The following CDK14 variants were observed in gnomAD, a reference collection of about 807,000 sequenced individuals.
The protein encoded by CDK14 is cyclin dependent kinase 14.
In CDK14, 34 loss-of-function variants were observed where a neutral mutation model predicts 60.7. That is an observed-to-expected ratio of 0.56 (90% CI 0.43 to 0.75). The LOEUF is 0.75. Among genes scored for constraint, CDK14 ranks in the 30% least tolerant of loss-of-function variants. CDK14 has a pLI of 0.00. For missense variants in CDK14, 482 were observed against 564.1 expected, an observed-to-expected ratio of 0.85 and a Z score of 1.47; for synonymous variants, 197 against 203.7, an observed-to-expected ratio of 0.97 and a Z score of 0.28.
At chr7:90,982,466 C>T (rs956797697) in intron 9 of CDK14, among the ~76,000 whole-genome samples, 2 of 152,100 alleles carry the variant, frequency 1.3e-5, no homozygotes, top group African/African-American at 4.8e-5. Flanking sequence ...GGGCTCCAAC[C>T]TAGATAAAAT....
chr7:90,991,015 G>A (rs1003175950), intron 10 of CDK14, among the ~76,000 whole-genome samples: 2 of 152,162 alleles, frequency 1.3e-5, no homozygotes, highest in African/African-American at 4.8e-5. Context: ...AGGAAACCAG[G>A]TCAGAAAGAT....
chr7:91,099,044 T>C (rs943679187), intron 12 of CDK14, among the ~76,000 whole-genome samples: 4 of 152,190 alleles, frequency 2.6e-5, no homozygotes, highest in African/African-American at 9.6e-5. Flanking sequence ...TACAAAATTA[T>C]GCCTTTCAAG....
intron 2 of CDK14, among the ~76,000 whole-genome samples, chr7:90,606,063 G>A (rs1799412316): frequency 6.6e-6 from 1 of 152,100 alleles, no homozygotes; most frequent in African/African-American, 2.4e-5. Flanking sequence ...TCCTTCCTCT[G>A]CCACAAGAGA....
At chr7:90,732,301 C>CT (rs1563061275) in intron 3 of CDK14, among the ~76,000 whole-genome samples, 1 of 152,012 alleles carries the variant, frequency 6.6e-6, no homozygotes, top group East Asian at 1.9e-4. Flanking sequence ...TTGAAATTTT[C>CT]TTTTTTTGTT....
intron 8 of CDK14, among the ~76,000 whole-genome samples, chr7:90,932,144 A>C (rs1226607017): frequency 6.6e-6 from 1 of 152,168 alleles, no homozygotes; most frequent in East Asian, 1.9e-4. Flanking sequence ...TGTCTGAGGC[A>C]TTCACAGCTG....
At chr7:90,664,192 T>C (rs1265173930) in intron 2 of CDK14, among the ~76,000 whole-genome samples, 1 of 152,202 alleles carries the variant, frequency 6.6e-6, no homozygotes, top group Non-Finnish European at 1.5e-5. Flanking sequence ...GAAAAAATGC[T>C]CATCATCACT....
In CDK14 at chr7:91,086,178, T is replaced by G. The variant is rs189754955; in HGVS notation, c.1154+6698T>G. 2.4e-4 allele frequency among the ~76,000 whole-genome samples: 37 copies of G among 152,328 alleles called. No individual in the cohort carries two copies. In the East Asian group the frequency reaches 6.8e-3, roughly 28 times the overall value. On this transcript the variant is annotated intron_variant, in intron 12 of 14. Transcript: ENST00000380050. ...CACTCAAGTGTCCAGAGATCTTGCT[T>G]TTTATTTTTGCTTCTCACCCCTATC...
intron 7 of CDK14, among the ~76,000 whole-genome samples, chr7:90,911,474 A>C (rs1792898988): frequency 6.6e-6 from 1 of 152,144 alleles, no homozygotes; most frequent in South Asian, 2.1e-4. Context: ...GACTCCTATT[A>C]GTAGATTTCT....
intron 8 of CDK14, among the ~76,000 whole-genome samples, chr7:90,929,463 C>T (rs908944027): frequency 3.3e-5 from 5 of 152,138 alleles, no homozygotes; most frequent in African/African-American, 1.2e-4. Flanking sequence ...AAAAATAGTT[C>T]TTTACATATC....
At chr7:91,105,765 G>A (rs1437249526) in intron 12 of CDK14, among the ~76,000 whole-genome samples, 2 of 152,154 alleles carry the variant, frequency 1.3e-5, no homozygotes, top group Admixed American at 6.5e-5. Flanking sequence ...GGTATTGGGA[G>A]TTATCAGACA....
rs115018839 is a variant in CDK14 at position 91,150,376 on chromosome 7, A to C, written c.*28+32168A>C. Among the ~76,000 whole-genome samples the C allele has an allele frequency of 8.8e-3, 1,348 of 152,318 alleles. 11 individuals are homozygous for C. Among genetic ancestry groups the C allele is most frequent in the African/African-American group, 0.029 (1,215 of 41,562 alleles). ...TCTATTTAGTGAAAGCTAGTTAGTCAATCCATTTACATTTGCTGCTCTCAT... is the reference window on the plus strand; with the variant it reads ...TCTATTTAGTGAAAGCTAGTTAGTCCATCCATTTACATTTGCTGCTCTCAT... On this transcript the variant is annotated intron_variant, in intron 14 of 14. Transcript: ENST00000380050.
intron 6 of CDK14, among the ~76,000 whole-genome samples, chr7:90,870,970 C>G (rs1009414411): frequency 5.3e-5 from 8 of 152,122 alleles, no homozygotes; most frequent in African/African-American, 1.9e-4. Flanking sequence ...GTTAGGAGAT[C>G]ATTATTTTTT....
intron 7 of CDK14, among the ~76,000 whole-genome samples, chr7:90,913,716 A>G (rs1021137945): frequency 9.9e-5 from 15 of 152,192 alleles, no homozygotes; most frequent in African/African-American, 3.4e-4. Context: ...AGGTGTGTTG[A>G]CAGACTTCAG....
chr7:90,675,795 A>T (rs1196742441), intron 2 of CDK14, among the ~76,000 whole-genome samples: 1 of 152,222 alleles, frequency 6.6e-6, no homozygotes, highest in Non-Finnish European at 1.5e-5. Flanking sequence ...CTTTCATGGC[A>T]ACTAAAATCT....
intron 11 of CDK14, among the ~76,000 whole-genome samples, chr7:91,061,249 A>G (rs1046821307): frequency 6.6e-6 from 1 of 152,190 alleles, no homozygotes; most frequent in African/African-American, 2.4e-5. Flanking sequence ...TTTCAGCTCC[A>G]TCAGGTCCTT....
At chr7:91,011,896 T>A (rs1047235282) in intron 10 of CDK14, among the ~76,000 whole-genome samples, 4 of 152,170 alleles carry the variant, frequency 2.6e-5, no homozygotes, top group African/African-American at 9.6e-5. Flanking sequence ...GTCTGTCATC[T>A]TTGTCATTTC....
In CDK14 at chr7:90,877,454, A is replaced by G. The variant is rs145411090; in HGVS notation, c.639+14185A>G. Among the ~76,000 whole-genome samples the G allele has an allele frequency of 4.0e-4, 61 of 151,908 alleles. 1 individual carries two copies. The highest frequency in any genetic ancestry group is 1.5e-3 in the African/African-American group (60 of 41,194). ...AACTTGTGGTGGCAGCTATTTGCTG[A>G]GTAAGAATTTTCCATCTTTTGGGTT... On this transcript the variant is annotated intron_variant, in intron 6 of 14. Transcript: ENST00000380050.
At chr7:90,694,241 A>G (rs1183645370) in intron 2 of CDK14, among the ~76,000 whole-genome samples, 2 of 152,210 alleles carry the variant, frequency 1.3e-5, no homozygotes, top group Non-Finnish European at 2.9e-5. Flanking sequence ...TCTAAGGTTA[A>G]GAGGAAAAAG....
At chr7:90,961,510 A>G (rs917871877) in intron 9 of CDK14, among the ~76,000 whole-genome samples, 8 of 152,246 alleles carry the variant, frequency 5.3e-5, no homozygotes, top group Non-Finnish European at 4.4e-5. Context: ...ACCAAAGGAT[A>G]GTAAGAATGA....
Sources: gnomAD v4.1 joint callset for allele counts (sites outside exome capture counted in the v4.1 genomes callset) on GRCh38, gnomAD v4.1.1 for gene constraint, MANE v1.5 for transcripts, NCBI Gene and HGNC (gene_info 2026-07-23, HGNC 2026-07-21) for gene names.